The following TSPYL4 variants were observed in gnomAD, a reference collection of about 807,000 sequenced individuals.
TSPYL4 encodes the protein TSPY like 4.
In TSPYL4, 22 loss-of-function variants were observed where a neutral mutation model predicts 24.2. That is an observed-to-expected ratio of 0.91 (90% CI 0.65 to 1.30). The LOEUF (loss-of-function observed/expected upper bound fraction) is 1.30, where lower values mean the gene tolerates loss of function less well. Ranked by LOEUF, TSPYL4 falls within the 50% of genes most tolerant of loss-of-function variation. TSPYL4 has a pLI of 0.00. For synonymous variants in TSPYL4, 211 were observed against 208.2 expected, an observed-to-expected ratio of 1.01 and a Z score of -0.12; for missense variants, 569 against 536.7, an observed-to-expected ratio of 1.06 and a Z score of -0.60.
In TSPYL4 at chr6:116,253,282, T is replaced by C; in HGVS notation, c.727A>G (p.Arg243Gly). The C allele has an allele frequency of 1.9e-6, 3 of 1,608,422 alleles. No homozygotes were observed. The highest frequency in any genetic ancestry group is 2.2e-5 in the East Asian group (1 of 44,738). ...GGGATATTCTGGATAATGAAACTTC[T>C]GCGCTGCATGTGGAGCCTTCGCATG... ...GRMRRLHMQR[R>G]SFIIQNIPGF... Residue 243 changes from arginine (R) to glycine (G), a missense_variant, in exon 1 of 1, where the codon AGA becomes GGA. By Grantham distance (125) the Arg-to-Gly change is moderately radical. Coordinates refer to ENST00000420283, the MANE Select transcript of TSPYL4 (RefSeq NM_021648.5). This position sits in a 1 kb window ranked among gnomAD's most constrained non-coding sequence, Gnocchi z 4.3.
rs893499081 is a variant in TSPYL4, at chr6:116,251,576, C to T, written c.*1188G>A. ...AAATTAAACAAAAAGCCTGCTTTGC[C>T]AGTTTTGTTTTCTGTTAATAAGCTA... On this transcript the variant is annotated 3_prime_UTR_variant, in exon 1 of 1. Transcript: ENST00000420283. 4.0e-5 allele frequency: 7 copies of T among 174,024 alleles called. No individual in the cohort carries two copies. The highest frequency in any genetic ancestry group is 8.0e-5 in the Non-Finnish European group (7 of 88,016). 10.8% of individuals were successfully genotyped at this position (174,024 alleles called of 1,614,324 possible).
chr6:116,250,855 G>A lies in TSPYL4; in HGVS notation c.*1909C>T. 4.6e-6 allele frequency: 1 copy of A among 217,792 alleles called. No homozygotes were observed. The highest frequency in any genetic ancestry group is 9.0e-6 in the Non-Finnish European group (1 of 111,454). The allele number at this position is 217,792 out of a possible 1,614,324, so 13.5% of individuals were successfully genotyped here. A position where few individuals can be genotyped will look rare whatever the true frequency, so the allele number is the denominator to read the frequency against. ...CAAAACCAAAGGGGAAAAGGGTGAT[G>A]GTGGATGGTCTTTATCACCACACAT... On this transcript the variant is annotated 3_prime_UTR_variant, in exon 1 of 1. Transcript: ENST00000420283.
At position 116,250,032 on chromosome 6, in the gene TSPYL4, A is replaced by G. The variant is rs990714184; in HGVS notation, c.*2732T>C. ...GTAGTGACACTTTATTTTTCCTTCAAGCACATGGGAGAAGACAAAAGTACT... is the reference window on the plus strand; with the variant it reads ...GTAGTGACACTTTATTTTTCCTTCAGGCACATGGGAGAAGACAAAAGTACT... On this transcript the variant is annotated 3_prime_UTR_variant, in exon 1 of 1. Coordinates refer to ENST00000420283, the MANE Select transcript of TSPYL4 (RefSeq NM_021648.5). 1 of 152,156 alleles carries G rather than the reference A, an allele frequency of 6.6e-6. No homozygotes were observed. Among genetic ancestry groups the G allele is most frequent in the African/African-American group, 2.4e-5 (1 of 41,432 alleles). 9.4% of individuals were successfully genotyped at this position (152,156 alleles called of 1,614,324 possible).
At position 116,253,687 on chromosome 6, in the gene TSPYL4, C is replaced by T; in HGVS notation, c.322G>A (p.Ala108Thr). 6.4e-7 allele frequency: 1 copy of T among 1,559,370 alleles called. No individual in the cohort carries two copies. The highest frequency in any genetic ancestry group is 1.2e-5 in the South Asian group (1 of 85,034). The change falls in exon 1 of 1, where the codon GCT (alanine) becomes ACT (threonine). Residue 108 changes from alanine to threonine, a missense_variant. Coordinates refer to ENST00000420283, the MANE Select transcript of TSPYL4 (RefSeq NM_021648.5). This position sits in a 1 kb window ranked among gnomAD's most constrained non-coding sequence, Gnocchi z 4.3. ...KGLEAASAAE[A>T]ADSSQKNGCQ... ...CCATTTTTCTGGCTGCTGTCAGCAG[C>T]CTCGGCGGCAGAGGCTGCTTCCAGA...
chr6:116,254,029 T>G lies in TSPYL4; in HGVS notation c.-21A>C, dbSNP rs1042588624. 6.5e-7 allele frequency: 1 copy of G among 1,548,142 alleles called. No individual in the cohort carries two copies. The highest frequency in any genetic ancestry group is 1.4e-5 in the African/African-American group (1 of 72,808). On this transcript the variant is annotated 5_prime_UTR_variant, in exon 1 of 1. Transcript: ENST00000420283. ...CTCATTTTGGAAGAAGTCAGACTAG[T>G]GGGAGAGGGAGAGTTCCTTGTCCTC...
In TSPYL4 at chr6:116,251,364, T is replaced by C; in HGVS notation, c.*1400A>G. On this transcript the variant is annotated 3_prime_UTR_variant, in exon 1 of 1. Transcript: ENST00000420283. ...ACAGGTTTTGGTAGAATGGATGGGG[T>C]AAAAAGATAAATATGTCAAAATCTG... The C allele has an allele frequency of 2.5e-6, 1 of 397,630 alleles. No homozygotes were observed. Among genetic ancestry groups the C allele is most frequent in the Non-Finnish European group, 4.4e-6 (1 of 225,748 alleles). 24.6% of individuals were successfully genotyped at this position (397,630 alleles called of 1,614,324 possible). A position where few individuals can be genotyped will look rare whatever the true frequency, so the allele number is the denominator to read the frequency against.
Position 116,253,618 on chromosome 6 carries a change from G to C in TSPYL4, c.391C>G (p.Leu131Val), listed in dbSNP as rs1173952605. 3.9e-6 allele frequency: 6 copies of C among 1,553,476 alleles called. No homozygotes were observed. The highest frequency in any genetic ancestry group is 1.7e-4 in the Middle Eastern group (1 of 6,000). The change falls in exon 1 of 1, where the codon CTA becomes GTA. Residue 131 changes from leucine to valine, a missense_variant. Physicochemically the swap from Leu to Val is conservative, Grantham distance 32. Transcript: ENST00000420283. The surrounding 1 kb of genome is among the most constrained non-coding windows in gnomAD (Gnocchi z 4.3). ...AAGCCCCCTGCGCCACAGGCTTCTA[G>C]AGCCTTCTGCCCAGCAGGGCCACGG... The part of the protein sequence containing the change: ...EPRGPAGQKA[L>V]EACGAGGLGS...
chr6:116,252,887 T>G lies in TSPYL4; in HGVS notation c.1122A>C (p.Lys374Asn). The change falls in exon 1 of 1, where the codon AAA becomes AAC. Residue 374 changes from lysine (K) to asparagine (N), a missense_variant. Transcript: ENST00000420283. Reference protein sequence around the residue: ...LEFDRIAEIIKGELWPNPLQY... With the variant: ...LEFDRIAEIINGELWPNPLQY... ...GTAGGGGATTGGGCCACAGTTCTCC[T>G]TTGATAATCTCTGCAATTCTGTCGA... 6.2e-7 allele frequency: 1 copy of G among 1,607,970 alleles called. No homozygotes were observed. The highest frequency in any genetic ancestry group is 8.5e-7 in the Non-Finnish European group (1 of 1,176,740).
chr6:116,252,523 G>C lies in TSPYL4; in HGVS notation c.*241C>G, dbSNP rs1051048942. The stretch of plus-strand genomic sequence containing the variant: ...TCATACGCTTGGCATAGAAGCCGTA[G>C]AAGGCCATGCACTTGAAACATGTTA... On this transcript the variant is annotated 3_prime_UTR_variant, in exon 1 of 1. Transcript: ENST00000420283. The C allele has an allele frequency of 1.9e-6, 1 of 533,376 alleles. No homozygotes were observed. Among genetic ancestry groups the C allele is most frequent in the South Asian group, 2.9e-5 (1 of 34,132 alleles). 33.0% of individuals were successfully genotyped at this position (533,376 alleles called of 1,614,324 possible). A position where few individuals can be genotyped will look rare whatever the true frequency, so the allele number is the denominator to read the frequency against.
At position 116,253,114 on chromosome 6, in the gene TSPYL4, T is replaced by C. The variant is rs1303760092; in HGVS notation, c.895A>G (p.Ile299Val). 5.5e-5 allele frequency: 89 copies of C among 1,613,994 alleles called. No homozygotes were observed. The highest frequency in any genetic ancestry group is 7.2e-5 in the Non-Finnish European group (85 of 1,180,006). ...CGGAAGTAGGGGTTGCCCTGAAAGA[T>C]GAACTTGAATTTGCAGCCTGCTCTG... Reference protein sequence around the residue: ...HPRAGCKFKFIFQGNPYFRNE... With the variant: ...HPRAGCKFKFVFQGNPYFRNE... Residue 299 changes from isoleucine (I) to valine (V), a missense_variant, in exon 1 of 1, where the codon ATC becomes GTC. Coordinates refer to ENST00000420283, the MANE Select transcript of TSPYL4 (RefSeq NM_021648.5). This position sits in a 1 kb window ranked among gnomAD's most constrained non-coding sequence, Gnocchi z 4.3.
rs1370035019 is a variant in TSPYL4, at chr6:116,253,203, C to A, written c.806G>T (p.Ser269Ile). 6.2e-7 allele frequency: 1 copy of A among 1,614,142 alleles called. No individual in the cohort carries two copies. Among genetic ancestry groups the A allele is most frequent in the Admixed American group, 1.7e-5 (1 of 60,032 alleles). ...CCTCAGCATGTCTTCATCTTGGCCA[C>A]TGATCATAGGTGACAGCTGGGGGTG... ...RNHPQLSPMI[S>I]GQDEDMLRYM... The change falls in exon 1 of 1, where the codon AGT (serine) becomes ATT (isoleucine). Residue 269 changes from serine to isoleucine, a missense_variant. By Grantham distance (142) the Ser-to-Ile change is moderately radical. Coordinates refer to ENST00000420283, the MANE Select transcript of TSPYL4 (RefSeq NM_021648.5). The surrounding 1 kb of genome is among the most constrained non-coding windows in gnomAD (Gnocchi z 4.3).
Position 116,253,405 on chromosome 6 carries a change from T to C in TSPYL4, c.604A>G (p.Asn202Asp). 6.4e-7 allele frequency: 1 copy of C among 1,551,958 alleles called. No homozygotes were observed. The highest frequency in any genetic ancestry group is 1.2e-5 in the South Asian group (1 of 84,092). ...ETRPRAPKIN[N>D]CMDSLEAIDQ... ...ATGGCCTCCAGTGAGTCCATGCAGT[T>C]ATTGATCTTCGGGGCCCTGGGCCGT... is the stretch of plus-strand genomic sequence containing the variant. Residue 202 changes from asparagine to aspartate, a missense_variant, in exon 1 of 1, where the codon AAC becomes GAC. Coordinates refer to ENST00000420283, the MANE Select transcript of TSPYL4 (RefSeq NM_021648.5). This position sits in a 1 kb window ranked among gnomAD's most constrained non-coding sequence, Gnocchi z 4.3.
In TSPYL4 at chr6:116,252,721, G is replaced by C; in HGVS notation, c.*43C>G. 6.6e-7 allele frequency: 1 copy of C among 1,517,604 alleles called. No individual in the cohort carries two copies. Among genetic ancestry groups the C allele is most frequent in the South Asian group, 1.3e-5 (1 of 77,364 alleles). 94.0% of individuals were successfully genotyped at this position (1,517,604 alleles called of 1,614,324 possible). ...TTGGCCAAGCATAGGTCCAAGAGGAGGTGGTAAGGAAACTTGTGCAGAAGC... is the reference window on the plus strand; with the variant it reads ...TTGGCCAAGCATAGGTCCAAGAGGACGTGGTAAGGAAACTTGTGCAGAAGC... On this transcript the variant is annotated 3_prime_UTR_variant, in exon 1 of 1. Transcript: ENST00000420283.
rs372762031 is a variant in TSPYL4 at position 116,252,944 on chromosome 6, G to A, written c.1065C>T (p.Phe355=). The change falls in exon 1 of 1, where the codon TTC becomes TTT. Residue 355 remains phenylalanine, a synonymous_variant. Coordinates refer to ENST00000420283, the MANE Select transcript of TSPYL4 (RefSeq NM_021648.5). The part of the protein sequence containing the change: ...NREGNTIPSF[F]NWFSDHSLLE... ...GAAGGCTGTGGTCTGAAAACCAGTT[G>A]AAGAAACTAGGGATAGTGTTCCCTT... is the stretch of plus-strand genomic sequence containing the variant. The A allele has an allele frequency of 9.4e-5, 152 of 1,613,646 alleles. No homozygotes were observed. The highest frequency in any genetic ancestry group is 1.2e-4 in the Non-Finnish European group (140 of 1,179,776).
rs750925816 is a variant in TSPYL4, at chr6:116,254,039, A to G, written c.-31T>C. On this transcript the variant is annotated 5_prime_UTR_variant, in exon 1 of 1. Coordinates refer to ENST00000420283, the MANE Select transcript of TSPYL4 (RefSeq NM_021648.5). Reference sequence around the variant, plus strand: ...AAGAAGTCAGACTAGTGGGAGAGGGAGAGTTCCTTGTCCTCCGCAGCGGCC... The same window carrying G: ...AAGAAGTCAGACTAGTGGGAGAGGGGGAGTTCCTTGTCCTCCGCAGCGGCC... The G allele has an allele frequency of 7.8e-6, 12 of 1,538,494 alleles. No homozygotes were observed. In the Middle Eastern group the frequency reaches 1.1e-3, roughly 145 times the overall value.
rs1271197991 is a variant in TSPYL4 at position 116,250,581 on chromosome 6, A to G, written c.*2183T>C. ...CTACTGGTGAATTCAAGGACTTAGG[A>G]AAAATTGAAGGAAAATCTTCCTCCA... On this transcript the variant is annotated 3_prime_UTR_variant, in exon 1 of 1. Transcript: ENST00000420283. 2.0e-5 allele frequency: 3 copies of G among 152,296 alleles called. No individual in the cohort carries two copies. Among genetic ancestry groups the G allele is most frequent in the Non-Finnish European group, 4.4e-5 (3 of 68,050 alleles). 9.4% of individuals were successfully genotyped at this position (152,296 alleles called of 1,614,324 possible).
Position 116,252,975 on chromosome 6 carries a change from T to G in TSPYL4, c.1034A>C (p.Asn345Thr), listed in dbSNP as rs765541590. 6.2e-7 allele frequency: 1 copy of G among 1,614,102 alleles called. No homozygotes were observed. The highest frequency in any genetic ancestry group is 1.7e-5 in the Admixed American group (1 of 60,012). The change falls in exon 1 of 1, where the codon AAC becomes ACC. Residue 345 changes from asparagine (N) to threonine (T), a missense_variant. Asn to Thr is a moderately conservative substitution (Grantham distance 65). Coordinates refer to ENST00000420283, the MANE Select transcript of TSPYL4 (RefSeq NM_021648.5). ...ACTAGGGATAGTGTTCCCTTCCCGG[T>G]TTCTGTGGATATGAGCCTGGGGGTC... is the stretch of plus-strand genomic sequence containing the variant. The part of the protein sequence containing the change: ...GQDPQAHIHR[N>T]REGNTIPSFF...
rs1315469361 is a variant in TSPYL4 at position 116,253,700 on chromosome 6, GGCT to G, written c.306_308del (p.Ala103del). 1.9e-6 allele frequency: 3 copies of G among 1,561,512 alleles called. No individual in the cohort carries two copies. The highest frequency in any genetic ancestry group is 1.9e-5 in the Admixed American group (1 of 52,786). On this transcript the variant is annotated inframe_deletion, in exon 1 of 1. Transcript: ENST00000420283. The surrounding 1 kb of genome is among the most constrained non-coding windows in gnomAD (Gnocchi z 4.3). ...TGCTGTCAGCAGCCTCGGCGGCAGA[GGCT>G]GCTTCCAGACCTTTCGTAGAAGGTG...
chr6:116,253,885 C>A lies in TSPYL4; in HGVS notation c.124G>T (p.Ala42Ser). 6.2e-7 allele frequency: 1 copy of A among 1,613,894 alleles called. No homozygotes were observed. Among genetic ancestry groups the A allele is most frequent in the South Asian group, 1.1e-5 (1 of 91,054 alleles). The change falls in exon 1 of 1, where the codon GCG becomes TCG. Residue 42 changes from alanine (A) to serine (S), a missense_variant. Ala to Ser is a moderately conservative substitution (Grantham distance 99). Coordinates refer to ENST00000420283, the MANE Select transcript of TSPYL4 (RefSeq NM_021648.5). The surrounding 1 kb of genome is among the most constrained non-coding windows in gnomAD (Gnocchi z 4.3). ...CCTGTGTTCGCCATCACCTGTGTCG[C>A]CTCGGTTTCTTCACGGAGCCCTTGG... ...QCQGLREETE[A>S]TQVMANTGGG...
Sources: allele counts gnomAD v4.1 joint callset, GRCh38; gene constraint gnomAD v4.1.1; non-coding constraint Gnocchi (gnomAD v3.1); transcripts MANE v1.5; gene names NCBI Gene and HGNC (gene_info 2026-07-23, HGNC 2026-07-21).